The following TCF4 variants were observed in gnomAD, a reference collection of about 807,000 sequenced individuals.
TCF4 encodes transcription factor 4.
A neutral mutation model predicts 82.1 loss-of-function variants in TCF4; 3 were observed. The ratio of observed to expected loss-of-function variants is 0.04; its 90% CI spans 0.02 to 0.09. The LOEUF (loss-of-function observed/expected upper bound fraction) is 0.09, where lower values mean the gene tolerates loss of function less well. Among genes scored for constraint, TCF4 ranks in the 10% least tolerant of loss-of-function variants. The pLI, the probability that TCF4 is intolerant of heterozygous loss-of-function variation, is 1.00. For synonymous variants in TCF4, 276 were observed against 309.6 expected (o/e 0.89, Z 1.14); for missense variants, 518 against 852.7 (o/e 0.61, Z 4.89).
At chr18:55,329,969 C>T (rs184143448) in intron 8 of TCF4, among the ~76,000 whole-genome samples, 10 of 152,252 alleles carry the variant, frequency 6.6e-5, no homozygotes, top group East Asian at 1.9e-4. Context: ...CCCTTACTGC[C>T]GAGTGGGTTG....
chr18:55,365,191 A>ATATATGTGTGTGTG (rs1361444592), intron 6 of TCF4, among the ~76,000 whole-genome samples: 4 of 97,946 alleles, frequency 4.1e-5, no homozygotes, highest in African/African-American at 2.0e-4. Context: ...ATATATATAT[A>ATATATGTGTGTGTG]TGTGTGTGTG....
intron 5 of TCF4, 82 bp downstream of exon 5, chr18:55,460,937 C>A: frequency 8.1e-7 from 1 of 1,229,694 alleles, no homozygotes; most frequent in Non-Finnish European, 1.2e-6. Context: ...AAAAGCAGAA[C>A]CTCTGTCTAG....
intron 6 of TCF4, among the ~76,000 whole-genome samples, chr18:55,379,935 A>G (rs1190850058): frequency 1.3e-5 from 2 of 152,122 alleles, no homozygotes; most frequent in African/African-American, 4.8e-5. Context: ...GTGCAGTGGC[A>G]TGATCATGGC....
chr18:55,627,408 C>T (rs2097727493), intron 2 of TCF4, among the ~76,000 whole-genome samples: 1 of 152,076 alleles, frequency 6.6e-6, no homozygotes, highest in South Asian at 2.1e-4. Context: ...CCAATAATGG[C>T]TTCCACAGGG....
At chr18:55,398,234 C>A (rs1480150313) in intron 6 of TCF4, among the ~76,000 whole-genome samples, 1 of 152,148 alleles carries the variant, frequency 6.6e-6, no homozygotes, top group Admixed American at 6.5e-5. Context: ...TAACAATCCC[C>A]CAAAATGAAT....
intron 3 of TCF4, among the ~76,000 whole-genome samples, chr18:55,468,890 C>G (rs866205603): frequency 2.4e-4 from 31 of 131,224 alleles, no homozygotes; most frequent in East Asian, 9.4e-4. Context: ...CGCCCCCCCC[C>G]CCCTTGTTCT....
At chr18:55,627,053 G>A (rs892511541) in intron 2 of TCF4, among the ~76,000 whole-genome samples, 2 of 152,180 alleles carry the variant, frequency 1.3e-5, no homozygotes, top group African/African-American at 2.4e-5. Flanking sequence ...AAGGCTTGAG[G>A]TGCTGGGTGA....
intron 3 of TCF4, among the ~76,000 whole-genome samples, chr18:55,491,959 T>C (rs184799745): frequency 7.9e-5 from 12 of 152,314 alleles, no homozygotes; most frequent in African/African-American, 2.4e-4. Context: ...TTTGGAATCA[T>C]AGAAATTCAA....
chr18:55,575,613 T>C (rs1485599706), intron 3 of TCF4, among the ~76,000 whole-genome samples: 2 of 152,204 alleles, frequency 1.3e-5, no homozygotes, highest in Non-Finnish European at 2.9e-5. Flanking sequence ...CAGTCATTCA[T>C]TAATAAATTC....
At chr18:55,584,523 A>G (rs2097614125) in intron 3 of TCF4, among the ~76,000 whole-genome samples, 1 of 114,838 alleles carries the variant, frequency 8.7e-6, no homozygotes, top group African/African-American at 2.6e-5. Flanking sequence ...TTTTAATAAG[A>G]GATATTCGAA....
chr18:55,509,884 C>T (rs1038703155), intron 3 of TCF4, among the ~76,000 whole-genome samples: 2 of 152,140 alleles, frequency 1.3e-5, no homozygotes, highest in Non-Finnish European at 2.9e-5. Context: ...TCAAGCCCTA[C>T]CTTCACCCTG....
intron 3 of TCF4, among the ~76,000 whole-genome samples, chr18:55,542,605 T>G (rs1017712801): frequency 3.3e-5 from 5 of 151,964 alleles, no homozygotes; most frequent in Admixed American, 1.3e-4. Context: ...TTCTTCTGAT[T>G]TTATTTGCCC....
chr18:55,318,843 C>T (rs2074797430), intron 8 of TCF4, among the ~76,000 whole-genome samples: 1 of 152,000 alleles, frequency 6.6e-6, no homozygotes, highest in Non-Finnish European at 1.5e-5. Flanking sequence ...CCTATAGTTG[C>T]CAGTTCATAA....
intron 15 of TCF4, among the ~76,000 whole-genome samples, chr18:55,236,716 T>C (rs2049554021): frequency 6.6e-6 from 1 of 152,256 alleles, no homozygotes; most frequent in Non-Finnish European, 1.5e-5. Context: ...TGTCAACTTG[T>C]AAGCATGAAT....
chr18:55,486,806 A>C (rs1273706103), intron 3 of TCF4, among the ~76,000 whole-genome samples: 1 of 152,188 alleles, frequency 6.6e-6, no homozygotes, highest in African/African-American at 2.4e-5. Flanking sequence ...AAAGGTAAGA[A>C]GATCTGGGAC....
intron 5 of TCF4, among the ~76,000 whole-genome samples, chr18:55,457,750 A>T (rs539224915): frequency 6.6e-6 from 1 of 152,340 alleles, no homozygotes; most frequent in East Asian, 1.9e-4. Flanking sequence ...CATAAATGTG[A>T]AATAGAGACA....
intron 8 of TCF4, among the ~76,000 whole-genome samples, chr18:55,279,902 C>G (rs1165026828): frequency 2.0e-5 from 3 of 152,152 alleles, no homozygotes; most frequent in Non-Finnish European, 4.4e-5. Flanking sequence ...TTGATGTAAA[C>G]CATGTCTAGT....
chr18:55,370,491 A>G (rs2088769918), intron 6 of TCF4, among the ~76,000 whole-genome samples: 1 of 152,196 alleles, frequency 6.6e-6, no homozygotes, highest in African/African-American at 2.4e-5. Context: ...ACATATAGAC[A>G]GATAGATGTA....
intron 8 of TCF4, among the ~76,000 whole-genome samples, chr18:55,303,732 A>C (rs2069179168): frequency 6.6e-6 from 1 of 152,206 alleles, no homozygotes; most frequent in Non-Finnish European, 1.5e-5. Context: ...AACAAGTGAA[A>C]TGGACAGAAA....
Sources: allele counts gnomAD v4.1 joint callset (sites outside exome capture counted in the v4.1 genomes callset), GRCh38; gene constraint gnomAD v4.1.1; transcripts MANE v1.5; gene names NCBI Gene and HGNC (gene_info 2026-07-23, HGNC 2026-07-21).